Variants in ZC3H3 observed in about 807,000 individuals in gnomAD.
ZC3H3 encodes zinc finger CCCH-type containing 3, also known as zinc finger CCCH domain-containing protein 3.
ZC3H3 carries 36 observed loss-of-function variants against 77.3 expected under a neutral mutation model. That is an observed-to-expected ratio of 0.47 (90% CI 0.36 to 0.61). The LOEUF (loss-of-function observed/expected upper bound fraction) is 0.61, where lower values mean the gene tolerates loss of function less well. ZC3H3 is among the 20% of genes least tolerant of loss of function. The probability of loss-of-function intolerance (pLI) is 0.00; values close to 1 mark genes in which losing one functional copy is unlikely to be tolerated. For missense variants in ZC3H3, 1,331 were observed against 1,312.2 expected (o/e 1.01, Z -0.22); for synonymous variants, 626 against 555.2 (o/e 1.13, Z -1.79).
intron 4 of ZC3H3, among the ~76,000 whole-genome samples, chr8:143,500,818 ATT>A (rs34018737): frequency 1.4e-5 from 2 of 141,088 alleles, no homozygotes; most frequent in African/African-American, 5.3e-5. Context: ...CACAATGTCT[ATT>A]TTTTTTTTTT....
chr8:143,530,321 G>A lies in ZC3H3; in HGVS notation c.1561+5936C>T, dbSNP rs1448166660. Among the ~76,000 whole-genome samples, 3 of 152,156 alleles carry A rather than the reference G, an allele frequency of 2.0e-5. No individual in the cohort carries two copies. The highest frequency in any genetic ancestry group is 1.9e-4 in the East Asian group (1 of 5,174). On this transcript the variant is annotated intron_variant, in intron 3 of 11. Coordinates refer to ENST00000262577, the MANE Select transcript of ZC3H3 (RefSeq NM_015117.3). The surrounding 1 kb of genome is among the most constrained non-coding windows in gnomAD (Gnocchi z 4.3). ...CCTGGGCTTATTCCAGGCCACGGGG[G>A]AAGGGGGCAGGCCACCGGCATGCAT...
chr8:143,450,004 TCTC>T (rs1484686217), intron 9 of ZC3H3, among the ~76,000 whole-genome samples: 4 of 152,118 alleles, frequency 2.6e-5, no homozygotes, highest in African/African-American at 9.7e-5. Context: ...AGTTCAAAAC[TCTC>T]CTCATCTTGC....
chr8:143,470,783 T>G (rs1487653881), intron 5 of ZC3H3, among the ~76,000 whole-genome samples: 1 of 152,200 alleles, frequency 6.6e-6, no homozygotes, highest in Non-Finnish European at 1.5e-5. Context: ...TTTCAAATGC[T>G]TTGCAGTGTT....
rs984165955 is a variant in ZC3H3 at position 143,493,781 on chromosome 8, C to A, written c.1715+13965G>T. 6.6e-6 allele frequency among the ~76,000 whole-genome samples: 1 copy of A among 152,164 alleles called. No homozygotes were observed. The highest frequency in any genetic ancestry group is 1.9e-4 in the East Asian group (1 of 5,196). ...ATTGCACTCCTTCCTTAATGAGCAG[C>A]CGAAGGGATCGGTAAGCATAATTTC... On this transcript the variant is annotated intron_variant, in intron 4 of 11. Transcript: ENST00000262577. This position sits in a 1 kb window ranked among gnomAD's most constrained non-coding sequence, Gnocchi z 4.8.
In ZC3H3 at chr8:143,462,671, A is replaced by G. The variant is rs1202348281; in HGVS notation, c.2307+3046T>C. ...GACAGCTCCCTGCAGACAGGCACCA[A>G]CCACACACAGGGTGTGGGGAAAACG... On this transcript the variant is annotated intron_variant, in intron 9 of 11. Coordinates refer to ENST00000262577, the MANE Select transcript of ZC3H3 (RefSeq NM_015117.3). This position sits in a 1 kb window ranked among gnomAD's most constrained non-coding sequence, Gnocchi z 4.7. Among the ~76,000 whole-genome samples the G allele has an allele frequency of 6.6e-6, 1 of 152,192 alleles. No homozygotes were observed. Among genetic ancestry groups the G allele is most frequent in the South Asian group, 2.1e-4 (1 of 4,824 alleles).
intron 3 of ZC3H3, among the ~76,000 whole-genome samples, chr8:143,518,608 A>AGG (rs1822139431): frequency 6.6e-6 from 1 of 152,182 alleles, no homozygotes. Context: ...CAGGCCGCAG[A>AGG]GGGGAGGTCG....
chr8:143,465,948 T>C (rs369642766), intron 8 of ZC3H3, 100 bp from the exon 9 acceptor site: 1 of 1,452,406 alleles, frequency 6.9e-7, no homozygotes, highest in Non-Finnish European at 9.1e-7. Flanking sequence ...GAGAGAGAAA[T>C]GGACACGCGG....
At chr8:143,509,132 G>A (rs931783092) in intron 3 of ZC3H3, among the ~76,000 whole-genome samples, 1 of 152,132 alleles carries the variant, frequency 6.6e-6, no homozygotes, top group Non-Finnish European at 1.5e-5. Flanking sequence ...CTGTCAGCCT[G>A]CACAGGAGCA....
In ZC3H3 at chr8:143,465,741, T is replaced by A. The variant is rs1289312951; in HGVS notation, c.2283A>T (p.Lys761Asn). 6 of 1,613,756 alleles carry A rather than the reference T, an allele frequency of 3.7e-6. No homozygotes were observed. The highest frequency in any genetic ancestry group is 5.1e-6 in the Non-Finnish European group (6 of 1,179,994). ...CCTTTGCACCCAGGGGGCAGTAGCCTTTGAGGAAGTCGCTGCAGACCTCGG... is the reference window on the plus strand; with the variant it reads ...CCTTTGCACCCAGGGGGCAGTAGCCATTGAGGAAGTCGCTGCAGACCTCGG... Reference protein sequence around the residue: ...RKAEVCSDFLKGYCPLGAKCK... With the variant: ...RKAEVCSDFLNGYCPLGAKCK... The change falls in exon 9 of 12, where the codon AAA (lysine) becomes AAT (asparagine). Residue 761 changes from lysine to asparagine, a missense_variant. Lys to Asn is a moderately conservative substitution (Grantham distance 94, BLOSUM62 0). This residue lies in a region of ZC3H3 where 104 missense variants were observed against 159.7 expected (regional missense o/e 0.65). Coordinates refer to ENST00000262577, the MANE Select transcript of ZC3H3 (RefSeq NM_015117.3).
At position 143,530,044 on chromosome 8, in the gene ZC3H3, G is replaced by A. The variant is rs1189413933; in HGVS notation, c.1561+6213C>T. On this transcript the variant is annotated intron_variant, in intron 3 of 11. Coordinates refer to ENST00000262577, the MANE Select transcript of ZC3H3 (RefSeq NM_015117.3). This position sits in a 1 kb window ranked among gnomAD's most constrained non-coding sequence, Gnocchi z 4.3. ...TCCACACCCAGGGGCGGGCACGGCA[G>A]ACTGAGGGACGGGTAGGAATCGCCC... 6.6e-6 allele frequency among the ~76,000 whole-genome samples: 1 copy of A among 152,222 alleles called. No individual in the cohort carries two copies. Among genetic ancestry groups the A allele is most frequent in the Non-Finnish European group, 1.5e-5 (1 of 68,040 alleles).
Position 143,538,398 on chromosome 8 carries a change from AACC to A in ZC3H3, c.966_968del (p.Val323del), listed in dbSNP as rs1274146222. The A allele has an allele frequency of 6.2e-7, 1 of 1,613,204 alleles. No homozygotes were observed. Among genetic ancestry groups the A allele is most frequent in the South Asian group, 1.1e-5 (1 of 91,090 alleles). On this transcript the variant is annotated inframe_deletion, in exon 2 of 12. Coordinates refer to ENST00000262577, the MANE Select transcript of ZC3H3 (RefSeq NM_015117.3). ...CTCTGGGACTGAGGGCCCTCCGAGCAACCCGGGGACTCTTCGAGGAGGCAGCCA... is the reference window on the plus strand; with the variant it reads ...CTCTGGGACTGAGGGCCCTCCGAGCACGGGGACTCTTCGAGGAGGCAGCCA...
Position 143,497,636 on chromosome 8 carries a change from C to T in ZC3H3, c.1715+10110G>A, listed in dbSNP as rs144169322. Reference sequence around the variant, plus strand: ...TAGGCAGAGCACAGACGCAATGCTGCGGTCAGGAGGGCCCTGGGCAGCCAG... The same window carrying T: ...TAGGCAGAGCACAGACGCAATGCTGTGGTCAGGAGGGCCCTGGGCAGCCAG... On this transcript the variant is annotated intron_variant, in intron 4 of 11. Coordinates refer to ENST00000262577, the MANE Select transcript of ZC3H3 (RefSeq NM_015117.3). Among the ~76,000 whole-genome samples, 277 of 152,328 alleles carry T rather than the reference C, an allele frequency of 1.8e-3. 1 individual carries two copies. The highest frequency in any genetic ancestry group is 6.1e-3 in the African/African-American group (252 of 41,566).
At chr8:143,438,544 G>A (rs542141406) in intron 11 of ZC3H3, among the ~76,000 whole-genome samples, 11 of 152,298 alleles carry the variant, frequency 7.2e-5, no homozygotes, top group Admixed American at 5.9e-4. Context: ...AAGCTGTGGC[G>A]GGGAGGGGCA....
intron 4 of ZC3H3, among the ~76,000 whole-genome samples, chr8:143,481,609 C>T (rs934120312): frequency 1.3e-5 from 2 of 152,160 alleles, no homozygotes; most frequent in African/African-American, 2.4e-5. Flanking sequence ...GTGGAGCCGG[C>T]GAGGGGACAT....
chr8:143,453,882 T>C (rs933158218), intron 9 of ZC3H3, among the ~76,000 whole-genome samples: 1 of 152,094 alleles, frequency 6.6e-6, no homozygotes, highest in African/African-American at 2.4e-5. Context: ...TCACTCAAAC[T>C]GGCAAAACGA....
At chr8:143,506,957 A>C (rs1821715241) in intron 4 of ZC3H3, among the ~76,000 whole-genome samples, 1 of 151,980 alleles carries the variant, frequency 6.6e-6, no homozygotes, top group Non-Finnish European at 1.5e-5. Flanking sequence ...GGCCCACGCC[A>C]CTCCCCCAGG....
At chr8:143,502,530 A>AAGGCAGCCCAGTGAG (rs1346351400) in intron 4 of ZC3H3, among the ~76,000 whole-genome samples, 3 of 152,240 alleles carry the variant, frequency 2.0e-5, no homozygotes, top group Non-Finnish European at 4.4e-5. Flanking sequence ...AAAATAAAAT[A>AAGGCAGCCCAGTGAG]AGGCAGCCCA....
chr8:143,471,611 G>C (rs922219000), intron 5 of ZC3H3, among the ~76,000 whole-genome samples: 6 of 152,236 alleles, frequency 3.9e-5, no homozygotes, highest in Non-Finnish European at 8.8e-5. Flanking sequence ...TCTGTGGGGA[G>C]GGACCCTGGA....
intron 4 of ZC3H3, among the ~76,000 whole-genome samples, chr8:143,507,418 G>A (rs539339953): frequency 3.9e-4 from 60 of 152,340 alleles, no homozygotes; most frequent in African/African-American, 1.3e-3. Flanking sequence ...ACATGGCGTG[G>A]GCCCTGACCG....
Sources: allele counts gnomAD v4.1 joint callset (sites outside exome capture counted in the v4.1 genomes callset), GRCh38; gene constraint gnomAD v4.1.1; regional missense constraint gnomAD v4.1.1; non-coding constraint Gnocchi (gnomAD v3.1); transcripts MANE v1.5; gene names NCBI Gene and HGNC (gene_info 2026-07-23, HGNC 2026-07-21).